The following BLMH variants were observed in gnomAD, a reference collection of about 807,000 sequenced individuals.
The protein encoded by BLMH is bleomycin hydrolase.
BLMH carries 32 observed loss-of-function variants against 61.6 expected under a neutral mutation model. That is an observed-to-expected ratio of 0.52 (90% CI 0.39 to 0.70). BLMH has a LOEUF of 0.70. Among genes scored for constraint, BLMH ranks in the 30% least tolerant of loss-of-function variants. The pLI, the probability that BLMH is intolerant of heterozygous loss-of-function variation, is 0.00. For missense variants in BLMH, 460 were observed against 555.5 expected, an observed-to-expected ratio of 0.83 and a Z score of 1.73; for synonymous variants, 183 against 193.8, an observed-to-expected ratio of 0.94 and a Z score of 0.46.
intron 11 of BLMH, chr17:30,249,436 T>C (rs973077684): frequency 3.6e-5 from 15 of 411,054 alleles, no homozygotes; most frequent in African/African-American, 2.9e-4. Context: ...GAGCTGGGCC[T>C]TGGACCTAAG....
chr17:30,285,524 C>A, intron 5 of BLMH, 44 bp from the exon 6 acceptor site: 1 of 1,507,508 alleles, frequency 6.6e-7, no homozygotes, highest in South Asian at 1.2e-5. Context: ...TACCCGAATT[C>A]AATTGTAAAT....
intron 11 of BLMH, among the ~76,000 whole-genome samples, chr17:30,251,772 T>C (rs573256867): frequency 3.3e-4 from 50 of 152,338 alleles, no homozygotes; most frequent in Non-Finnish European, 4.7e-4. Context: ...TTCTCAAGCC[T>C]CTTGGCCTCA....
chr17:30,273,924 G>T, intron 7 of BLMH, 118 bp downstream of exon 7: 1 of 1,277,622 alleles, frequency 7.8e-7, no homozygotes. Context: ...GGGGAAAAAT[G>T]TTTGTTTGCT....
chr17:30,261,640 T>G (rs929489624), intron 11 of BLMH, among the ~76,000 whole-genome samples: 4 of 152,236 alleles, frequency 2.6e-5, no homozygotes, highest in Admixed American at 2.6e-4. Flanking sequence ...AATCAAGAAT[T>G]AATTATTAGT....
intron 6 of BLMH, among the ~76,000 whole-genome samples, chr17:30,276,137 CAAA>C (rs143171771): frequency 0.084 from 12,772 of 152,020 alleles, 824 homozygotes; most frequent in African/African-American, 0.17. Flanking sequence ...CACATGCTGT[CAAA>C]AACAACAACA....
intron 2 of BLMH, among the ~76,000 whole-genome samples, chr17:30,290,300 A>ATGTG (rs1474660020): frequency 6.6e-6 from 1 of 152,216 alleles, no homozygotes; most frequent in African/African-American, 2.4e-5. Flanking sequence ...ACACTGCAAA[A>ATGTG]TGTGTAAGAC....
At chr17:30,289,316 A>G (rs1417468041) in intron 3 of BLMH, 57 bp downstream of exon 3, 27 of 1,106,920 alleles carry the variant, frequency 2.4e-5, no homozygotes, top group Non-Finnish European at 3.3e-5. Context: ...AAGAAGAGGC[A>G]GTCCCTACCA....
Position 30,291,389 on chromosome 17 carries a change from T to G in BLMH, c.133A>C (p.Thr45Pro). 1 of 1,613,988 alleles carries G rather than the reference T, an allele frequency of 6.2e-7. No individual in the cohort carries two copies. Among genetic ancestry groups the G allele is most frequent in the Non-Finnish European group, 8.5e-7 (1 of 1,180,012 alleles). The change falls in exon 2 of 12, where the codon ACG (threonine) becomes CCG (proline). Residue 45 changes from threonine to proline, a missense_variant. Thr to Pro is a conservative substitution (Grantham distance 38, BLOSUM62 -1). Transcript: ENST00000261714. ...AACACATGCTGCGCGCGCTGCACCG[T>G]GGCCCGCTTCAGACAGATGTCCAGC... ...DLLDICLKRATVQRAQHVFQH... is the reference protein window; with the variant it reads ...DLLDICLKRAPVQRAQHVFQH...
intron 11 of BLMH, among the ~76,000 whole-genome samples, chr17:30,257,097 A>G (rs1809158623): frequency 6.6e-6 from 1 of 152,260 alleles, no homozygotes; most frequent in Non-Finnish European, 1.5e-5. Flanking sequence ...GATACACAGT[A>G]CTTACATGCA....
At chr17:30,273,291 C>A in intron 7 of BLMH, 1 of 169,964 alleles carries the variant, frequency 5.9e-6, no homozygotes, top group Non-Finnish European at 1.3e-5. Context: ...TTCAGCCTCC[C>A]AAGTAGCTGG....
At chr17:30,289,242 G>C (rs73269829) in intron 3 of BLMH, 131 bp downstream of exon 3, 29,333 of 462,042 alleles carry the variant, frequency 0.063, 1,388 homozygotes, top group African/African-American at 0.17. Context: ...TGATACTCTG[G>C]AAGTCAGAAT....
intron 5 of BLMH, 68 bp downstream of exon 5, chr17:30,286,746 C>G: frequency 1.8e-6 from 2 of 1,122,998 alleles, no homozygotes; most frequent in Non-Finnish European, 2.7e-6. Context: ...ACCCAGGAAC[C>G]CCTTTTAAAA....
intron 1 of BLMH, 53 bp downstream of exon 1, chr17:30,291,754 G>C: frequency 4.9e-6 from 7 of 1,423,202 alleles, no homozygotes; most frequent in Non-Finnish European, 6.4e-6. Flanking sequence ...CGGGCCTCAC[G>C]GGGACCGCGG....
At chr17:30,285,244 T>G (rs868168198) in intron 6 of BLMH, 144 bp downstream of exon 6, 1 of 615,516 alleles carries the variant, frequency 1.6e-6, no homozygotes, top group Non-Finnish European at 2.7e-6. Context: ...TTAAGCTCAG[T>G]TTTTTCAGTG....
chr17:30,286,043 T>C (rs1356244216), intron 5 of BLMH, among the ~76,000 whole-genome samples: 3 of 152,238 alleles, frequency 2.0e-5, no homozygotes, highest in African/African-American at 7.2e-5. Flanking sequence ...GTACTATTAA[T>C]GATCTTTTAG....
intron 5 of BLMH, 89 bp from the exon 6 acceptor site, chr17:30,285,569 G>A: frequency 9.8e-7 from 1 of 1,024,636 alleles, no homozygotes; most frequent in Non-Finnish European, 1.4e-6. Context: ...CTATTTTGAG[G>A]TATAACTCAG....
At chr17:30,277,349 G>A (rs1908450934) in intron 6 of BLMH, among the ~76,000 whole-genome samples, 1 of 152,202 alleles carries the variant, frequency 6.6e-6, no homozygotes, top group African/African-American at 2.4e-5. Flanking sequence ...TCAGTGCCAA[G>A]GCTACAAATG....
intron 11 of BLMH, among the ~76,000 whole-genome samples, chr17:30,262,234 T>G (rs1907977768): frequency 6.6e-6 from 1 of 152,216 alleles, no homozygotes; most frequent in South Asian, 2.1e-4. Context: ...AATTCCACAT[T>G]TAGAGTTCTG....
At chr17:30,285,239 C>A in intron 6 of BLMH, 149 bp downstream of exon 6, 1 of 589,062 alleles carries the variant, frequency 1.7e-6, no homozygotes, top group Non-Finnish European at 2.8e-6. Context: ...AAGTTTTAAG[C>A]TCAGTTTTTT....
Sources: gnomAD v4.1 joint callset for allele counts (sites outside exome capture counted in the v4.1 genomes callset) on GRCh38, gnomAD v4.1.1 for gene constraint, MANE v1.5 for transcripts, NCBI Gene and HGNC (gene_info 2026-07-23, HGNC 2026-07-21) for gene names.